Variants in EHMT1 observed in about 807,000 individuals in gnomAD.
EHMT1 encodes the protein histone-lysine N-methyltransferase EHMT1.
In EHMT1, 15 loss-of-function variants were observed where a neutral mutation model predicts 147.2. That is an observed-to-expected ratio of 0.10 (90% CI 0.07 to 0.16). EHMT1 has a LOEUF of 0.16. Among genes scored for constraint, EHMT1 ranks in the 10% least tolerant of loss-of-function variants. The pLI, the probability that EHMT1 is intolerant of heterozygous loss-of-function variation, is 1.00. For missense variants in EHMT1, 1,587 were observed against 1,772.4 expected (o/e 0.90, Z 1.88); for synonymous variants, 795 against 709.6 (o/e 1.12, Z -1.91).
In EHMT1 at chr9:137,776,814, T is replaced by A; in HGVS notation, c.1988T>A (p.Leu663Gln). The A allele has an allele frequency of 6.2e-7, 1 of 1,613,924 alleles. No individual in the cohort carries two copies. Among genetic ancestry groups the A allele is most frequent in the Non-Finnish European group, 8.5e-7 (1 of 1,180,004 alleles). ...CCCGGGCAGGAGAAGGGCTCGGCCC[T>A]GGAGGGCAGGGCCGACACCACAACG... ...PVPGQEKGSA[L>Q]EGRADTTTGS... Residue 663 changes from leucine (L) to glutamine (Q), a missense_variant, in exon 12 of 27, where the codon CTG becomes CAG. Leu to Gln is a moderately radical substitution (Grantham distance 113). Transcript: ENST00000460843. This position sits in a 1 kb window ranked among gnomAD's most constrained non-coding sequence, Gnocchi z 4.4.
chr9:137,703,415 T>C (rs892218864), intron 1 of EHMT1, among the ~76,000 whole-genome samples: 1 of 152,222 alleles, frequency 6.6e-6, no homozygotes, highest in East Asian at 1.9e-4. Context: ...TAAGTTCCAG[T>C]TTCAGATACT....
Position 137,835,072 on chromosome 9 carries a change from T to TC in EHMT1, c.*121dup. On this transcript the variant is annotated 3_prime_UTR_variant, in exon 27 of 27. Transcript: ENST00000460843. ...GTCCTTCGGGGCTGCGCCGCCGGCT[T>TC]CCTGGAGGGGTCGGAGGTGAGGCTG... The TC allele has an allele frequency of 8.3e-7, 1 of 1,210,494 alleles. No individual in the cohort carries two copies. The allele number at this position is 1,210,494 out of a possible 1,614,324, so 75.0% of individuals were successfully genotyped here. A position where few individuals can be genotyped will look rare whatever the true frequency, so the allele number is the denominator to read the frequency against.
At chr9:137,719,820 G>A (rs1257459848) in intron 3 of EHMT1, among the ~76,000 whole-genome samples, 2 of 151,756 alleles carry the variant, frequency 1.3e-5, no homozygotes, top group African/African-American at 2.4e-5. Context: ...TCGAGATGCC[G>A]AACCCCCTCC....
intron 1 of EHMT1, among the ~76,000 whole-genome samples, chr9:137,619,620 C>T (rs1842829300): frequency 6.6e-6 from 1 of 152,118 alleles, no homozygotes; most frequent in Non-Finnish European, 1.5e-5. Context: ...TCCAGCCCTG[C>T]TGGCTGTCAG....
intron 1 of EHMT1, among the ~76,000 whole-genome samples, chr9:137,642,025 A>G (rs1844526372): frequency 6.6e-6 from 1 of 151,634 alleles, no homozygotes; most frequent in Admixed American, 6.6e-5. Flanking sequence ...TTTTTAGTAG[A>G]GACGGAGTTT....
At chr9:137,781,055 TGTG>T (rs1951437349) in intron 14 of EHMT1, among the ~76,000 whole-genome samples, 1 of 134,770 alleles carries the variant, frequency 7.4e-6, no homozygotes, top group African/African-American at 3.0e-5. Context: ...CGCCGAGACG[TGTG>T]GTGATGACGC....
intron 1 of EHMT1, among the ~76,000 whole-genome samples, chr9:137,690,343 A>G (rs567681627): frequency 3.3e-5 from 5 of 152,106 alleles, no homozygotes; most frequent in African/African-American, 9.6e-5. Context: ...GAGCTGTTGC[A>G]TAATAATCAG....
At chr9:137,728,063 T>A (rs1946784423) in intron 3 of EHMT1, among the ~76,000 whole-genome samples, 1 of 152,238 alleles carries the variant, frequency 6.6e-6, no homozygotes, top group Non-Finnish European at 1.5e-5. Flanking sequence ...TGGTCACTGT[T>A]CCTCCTCCCT....
intron 1 of EHMT1, among the ~76,000 whole-genome samples, chr9:137,708,307 G>C (rs1944424705): frequency 6.6e-6 from 1 of 152,214 alleles, no homozygotes; most frequent in Non-Finnish European, 1.5e-5. Context: ...TGGTTGGCAA[G>C]GGGGAAGTAT....
chr9:137,813,144 G>GCCCAGC lies in EHMT1; in HGVS notation c.3010_3015dup (p.Ser1004_Pro1005dup). On this transcript the variant is annotated inframe_insertion, in exon 20 of 27. Transcript: ENST00000460843. The surrounding 1 kb of genome is among the most constrained non-coding windows in gnomAD (Gnocchi z 4.9). Reference sequence around the variant, plus strand: ...CTCTGCAGGACTCGGCCCCCGACAGGCCCAGCCCCGTGGAGAGGATAGTGA... The same window carrying GCCCAGC: ...CTCTGCAGGACTCGGCCCCCGACAGGCCCAGCCCCAGCCCCGTGGAGAGGATAGTGA... 1 of 1,611,374 alleles carries GCCCAGC rather than the reference G, an allele frequency of 6.2e-7. No individual in the cohort carries two copies. Among genetic ancestry groups the GCCCAGC allele is most frequent in the Non-Finnish European group, 8.5e-7 (1 of 1,179,996 alleles).
chr9:137,729,987 G>A (rs1946965020), intron 4 of EHMT1, among the ~76,000 whole-genome samples: 1 of 152,182 alleles, frequency 6.6e-6, no homozygotes, highest in African/African-American at 2.4e-5. Context: ...TAGTTGTTGT[G>A]TCTTGCTAGT....
chr9:137,651,176 T>C (rs1937773393), intron 1 of EHMT1: 1 of 152,232 alleles, frequency 6.6e-6, no homozygotes, highest in Non-Finnish European at 1.5e-5. Flanking sequence ...GATGTAGGAC[T>C]TGTAAATATT....
At chr9:137,697,081 G>C in intron 1 of EHMT1, 1 of 376,288 alleles carries the variant, frequency 2.7e-6, no homozygotes, top group South Asian at 1.9e-5. Context: ...AGGAGTTAGA[G>C]ACCAGCCCGG....
intron 2 of EHMT1, chr9:137,715,840 A>G (rs553042755): frequency 2.3e-5 from 23 of 985,154 alleles, no homozygotes; most frequent in Non-Finnish European, 2.8e-5. Flanking sequence ...CTATCTCCAA[A>G]TAACACTCCA....
At chr9:137,778,082 ATG>A in intron 13 of EHMT1, 27 bp downstream of exon 13, 1 of 1,613,592 alleles carries the variant, frequency 6.2e-7, no homozygotes. Context: ...GATTTCAGAG[ATG>A]TCTCAGAGCC....
intron 18 of EHMT1, among the ~76,000 whole-genome samples, chr9:137,806,942 T>A (rs1055897682): frequency 3.9e-5 from 6 of 152,248 alleles, no homozygotes; most frequent in Non-Finnish European, 7.3e-5. Context: ...TGGCTGCTTT[T>A]AAAATGTTTT....
intron 25 of EHMT1, 58 bp from the exon 26 acceptor site, chr9:137,834,291 G>A (rs1389177834): frequency 1.2e-6 from 2 of 1,604,644 alleles, no homozygotes; most frequent in Middle Eastern, 1.6e-4. Context: ...CGTACCCGGC[G>A]AGGCCGGCGT....
chr9:137,645,913 G>A (rs2133878603), intron 1 of EHMT1, among the ~76,000 whole-genome samples: 1 of 151,370 alleles, frequency 6.6e-6, no homozygotes, highest in African/African-American at 2.4e-5. Flanking sequence ...ATAATGTTTT[G>A]GATCTATACT....
intron 1 of EHMT1, among the ~76,000 whole-genome samples, chr9:137,708,349 C>T (rs868661287): frequency 1.3e-5 from 2 of 152,320 alleles, no homozygotes; most frequent in Middle Eastern, 3.4e-3. Context: ...TGCAGCTATT[C>T]TGCTTTGATA....
Sources: gnomAD v4.1 joint callset for allele counts (sites outside exome capture counted in the v4.1 genomes callset) on GRCh38, gnomAD v4.1.1 for gene constraint, Gnocchi (gnomAD v3.1) non-coding constraint, MANE v1.5 for transcripts, NCBI Gene and HGNC (gene_info 2026-07-23, HGNC 2026-07-21) for gene names.